Variants in TMED1 observed in about 807,000 individuals in gnomAD.
TMED1 encodes the protein transmembrane p24 trafficking protein 1.
TMED1 carries 20 observed loss-of-function variants against 21.2 expected under a neutral mutation model. The ratio of observed to expected loss-of-function variants is 0.95; its 90% CI spans 0.67 to 1.37. The LOEUF is 1.37. Among genes scored for constraint, TMED1 ranks in the 40% most tolerant of loss-of-function variants. The probability of loss-of-function intolerance (pLI) is 0.00; values close to 1 mark genes in which losing one functional copy is unlikely to be tolerated. For missense variants in TMED1, 316 were observed against 309.8 expected (o/e 1.02, Z -0.15); for synonymous variants, 149 against 134.7 (o/e 1.11, Z -0.74).
intron 1 of TMED1, chr19:10,835,669 C>T: frequency 7.1e-7 from 1 of 1,400,662 alleles, no homozygotes; most frequent in African/African-American, 1.4e-5. Flanking sequence ...CTTAGTCTAA[C>T]CCCCGAGAAA....
rs187573332 is a variant in TMED1, at chr19:10,832,274, C to G, written c.*721G>C. Reference sequence around the variant, plus strand: ...GTGGCCCAACTGGGGCTCAGTTAAACTTTGCTTTCTGATTTTTCTCTTGTG... The same window carrying G: ...GTGGCCCAACTGGGGCTCAGTTAAAGTTTGCTTTCTGATTTTTCTCTTGTG... On this transcript the variant is annotated 3_prime_UTR_variant, in exon 4 of 4. Transcript: ENST00000214869. The G allele has an allele frequency of 2.3e-6, 3 of 1,289,660 alleles. No individual in the cohort carries two copies. The highest frequency in any genetic ancestry group is 3.0e-6 in the Non-Finnish European group (3 of 988,780). The allele number at this position is 1,289,660 out of a possible 1,614,324, so 79.9% of individuals were successfully genotyped here. A position where few individuals can be genotyped will look rare whatever the true frequency, so the allele number is the denominator to read the frequency against.
At position 10,834,965 on chromosome 19, in the gene TMED1, T is replaced by A; in HGVS notation, c.434A>T (p.Glu145Val). ...GTCCTCCATTTTAACATCCAGCATC[T>A]CCTCGGGCTCCACAGCCTCTGCCCA... ...EGWAEAVEPE[E>V]MLDVKMEDIK... Residue 145 changes from glutamate (E) to valine (V), a missense_variant, in exon 3 of 4, where the codon GAG becomes GTG. Physicochemically the swap from Glu to Val is moderately radical, Grantham distance 121. Transcript: ENST00000214869. 6.2e-7 allele frequency: 1 copy of A among 1,614,120 alleles called. No homozygotes were observed. The highest frequency in any genetic ancestry group is 8.5e-7 in the Non-Finnish European group (1 of 1,180,002).
intron 3 of TMED1, among the ~76,000 whole-genome samples, chr19:10,834,523 G>A (rs901783610): frequency 7.5e-5 from 11 of 147,006 alleles, no homozygotes; most frequent in African/African-American, 2.0e-4. Context: ...GCAATGGTGC[G>A]ATCTCGGCTC....
intron 1 of TMED1, chr19:10,835,774 A>G: frequency 7.1e-7 from 1 of 1,416,358 alleles, no homozygotes; most frequent in South Asian, 1.5e-5. Flanking sequence ...CCCTATACTT[A>G]TCGATGGCCC....
Position 10,835,060 on chromosome 19 carries a change from G to A in TMED1, c.339C>T (p.Thr113=), listed in dbSNP as rs1365950281. 6.2e-7 allele frequency: 1 copy of A among 1,614,240 alleles called. No homozygotes were observed. Among genetic ancestry groups the A allele is most frequent in the African/African-American group, 1.3e-5 (1 of 75,062 alleles). Residue 113 remains threonine (T), a synonymous_variant, in exon 3 of 4, where the codon ACC becomes ACT. Coordinates refer to ENST00000214869, the MANE Select transcript of TMED1 (RefSeq NM_006858.4). ...YKLCFDNSFS[T]ISEKLVFFEL... ...CAAAGAACACCAGCTTCTCGGAGAT[G>A]GTGCTGAAGGAGTTGTCAAAGCACA...
In TMED1 at chr19:10,835,095, C is replaced by T. The variant is rs755003968; in HGVS notation, c.304G>A (p.Asp102Asn). 6.2e-7 allele frequency: 1 copy of T among 1,613,890 alleles called. No individual in the cohort carries two copies. The highest frequency in any genetic ancestry group is 8.5e-7 in the Non-Finnish European group (1 of 1,179,928). The change falls in exon 3 of 4, where the codon GAC (aspartate) becomes AAC (asparagine). Residue 102 changes from aspartate to asparagine, a missense_variant. Transcript: ENST00000214869. ...VHTVEPTEAG[D>N]YKLCFDNSFS... Reference sequence around the variant, plus strand: ...GAGTTGTCAAAGCACAGCTTGTAGTCCCCGGCCTCCGTTGGCTCCACCCTG... The same window carrying T: ...GAGTTGTCAAAGCACAGCTTGTAGTTCCCGGCCTCCGTTGGCTCCACCCTG...
At position 10,833,049 on chromosome 19, in the gene TMED1, C is replaced by G; in HGVS notation, c.630G>C (p.Leu210=). The G allele has an allele frequency of 6.2e-7, 1 of 1,613,884 alleles. No individual in the cohort carries two copies. Among genetic ancestry groups the G allele is most frequent in the Non-Finnish European group, 8.5e-7 (1 of 1,180,062 alleles). Reference sequence around the variant, plus strand: ...AGAAGCGCTTGAGCGTGCAGACCTGCAGCACAGCCACCAGCAGCAGCACCG... The same window carrying G: ...AGAAGCGCTTGAGCGTGCAGACCTGGAGCACAGCCACCAGCAGCAGCACCG... ...NVAVLLLVAV[L]QVCTLKRFFQ... The change falls in exon 4 of 4, where the codon CTG becomes CTC. Residue 210 remains leucine, a synonymous_variant. Coordinates refer to ENST00000214869, the MANE Select transcript of TMED1 (RefSeq NM_006858.4).
At chr19:10,834,422 T>TTACACCAG (rs1259520533) in intron 3 of TMED1, among the ~76,000 whole-genome samples, 1 of 152,024 alleles carries the variant, frequency 6.6e-6, no homozygotes, top group African/African-American at 2.4e-5. Context: ...CCTTAAACCT[T>TTACACCAG]TACACCAGGG....
intron 3 of TMED1, 187 bp from the exon 4 acceptor site, chr19:10,833,400 A>C: frequency 1.7e-6 from 1 of 602,190 alleles, no homozygotes; most frequent in Non-Finnish European, 3.0e-6. Context: ...TGAGCAACTT[A>C]ATTAACCTAT....
intron 3 of TMED1, 151 bp from the exon 4 acceptor site, chr19:10,833,364 A>G (rs12611335): frequency 0.29 from 189,192 of 645,954 alleles, 28,465 homozygotes; most frequent in East Asian, 0.42. Flanking sequence ...TCAAATCCTC[A>G]CCCTGCCACT....
At chr19:10,834,820 A>T in intron 3 of TMED1, 114 bp downstream of exon 3, 1 of 1,235,298 alleles carries the variant, frequency 8.1e-7, no homozygotes, top group Non-Finnish European at 1.1e-6. Context: ...TACTCTTACT[A>T]TAATTCAGTT....
In TMED1 at chr19:10,833,318, G is replaced by T. The variant is rs982195410; in HGVS notation, c.466-105C>A. The T allele has an allele frequency of 9.8e-6, 9 of 916,726 alleles. No homozygotes were observed. In the Admixed American group the frequency reaches 1.3e-4, roughly 13 times the overall value. The allele number at this position is 916,726 out of a possible 1,614,324, so 56.8% of individuals were successfully genotyped here. On this transcript the variant is annotated intron_variant, in intron 3 of 3. Transcript: ENST00000214869. The stretch of plus-strand genomic sequence containing the variant: ...GAGGGAGGCTGTATTAACCCTGGGA[G>T]GTACAGCTGCAAACACAGACTTGTT...
rs752523674 is a variant in TMED1, at chr19:10,832,325, C to T, written c.*670G>A. 4.4e-5 allele frequency: 57 copies of T among 1,289,718 alleles called. No homozygotes were observed. In the Admixed American group the frequency reaches 6.2e-4, roughly 14 times the overall value. 79.9% of individuals were successfully genotyped at this position (1,289,718 alleles called of 1,614,324 possible). ...CCAGGCGACCACCTCCATCGGCTCC[C>T]GCACGACCTTTCTTCTGAGCTTCGT... On this transcript the variant is annotated 3_prime_UTR_variant, in exon 4 of 4. Transcript: ENST00000214869.
Position 10,833,157 on chromosome 19 carries a change from T to C in TMED1, c.522A>G (p.Leu174=), listed in dbSNP as rs765814638. The C allele has an allele frequency of 2.2e-5, 35 of 1,613,786 alleles. No homozygotes were observed. The Admixed American group carries it at 5.8e-4, about 27-fold the overall frequency. ...GGTCACGTGCCTCGAAGGCCCGCAGTAGCGTGAGCATCTGGATGCTGCGCT... is the reference window on the plus strand; with the variant it reads ...GGTCACGTGCCTCGAAGGCCCGCAGCAGCGTGAGCATCTGGATGCTGCGCT... ...RLERSIQMLT[L]LRAFEARDRN... The change falls in exon 4 of 4, where the codon CTA becomes CTG. Residue 174 remains leucine, a synonymous_variant. Coordinates refer to ENST00000214869, the MANE Select transcript of TMED1 (RefSeq NM_006858.4).
chr19:10,833,034 G>C lies in TMED1; in HGVS notation c.645C>G (p.Leu215=), dbSNP rs2073377698. 10 of 1,613,764 alleles carry C rather than the reference G, an allele frequency of 6.2e-6. No individual in the cohort carries two copies. The highest frequency in any genetic ancestry group is 8.5e-6 in the Non-Finnish European group (10 of 1,180,046). Reference sequence around the variant, plus strand: ...GGCGCTTGTCCTGGAAGAAGCGCTTGAGCGTGCAGACCTGCAGCACAGCCA... The same window carrying C: ...GGCGCTTGTCCTGGAAGAAGCGCTTCAGCGTGCAGACCTGCAGCACAGCCA... The part of the protein sequence containing the change: ...LLVAVLQVCT[L]KRFFQDKRPV... Residue 215 remains leucine (L), a synonymous_variant, in exon 4 of 4, where the codon CTC becomes CTG. Coordinates refer to ENST00000214869, the MANE Select transcript of TMED1 (RefSeq NM_006858.4).
chr19:10,833,414 A>G lies in TMED1; in HGVS notation c.466-201T>C. ...ATGAGCAACTTAATTAACCTATCTGAGCCTGTTTCCTCTTCTATAAGCTTC... is the reference window on the plus strand; with the variant it reads ...ATGAGCAACTTAATTAACCTATCTGGGCCTGTTTCCTCTTCTATAAGCTTC... On this transcript the variant is annotated intron_variant, in intron 3 of 3. Coordinates refer to ENST00000214869, the MANE Select transcript of TMED1 (RefSeq NM_006858.4). The G allele has an allele frequency of 5.0e-6, 3 of 595,984 alleles. No individual in the cohort carries two copies. In the South Asian group the frequency reaches 6.0e-5, roughly 12 times the overall value. 36.9% of individuals were successfully genotyped at this position (595,984 alleles called of 1,614,324 possible). A position where few individuals can be genotyped will look rare whatever the true frequency, so the allele number is the denominator to read the frequency against.
At chr19:10,833,415 G>C (rs1430215097) in intron 3 of TMED1, 4 of 595,136 alleles carry the variant, frequency 6.7e-6, no homozygotes, top group Non-Finnish European at 9.0e-6. Context: ...ACCTATCTGA[G>C]CCTGTTTCCT....
chr19:10,834,651 T>C (rs569166580), intron 3 of TMED1, among the ~76,000 whole-genome samples: 29 of 152,060 alleles, frequency 1.9e-4, no homozygotes, highest in Non-Finnish European at 3.5e-4. Context: ...GGCTAATTTT[T>C]GTATTTTTAG....
rs1407698384 is a variant in TMED1 at position 10,833,113 on chromosome 19, T to G, written c.566A>C (p.Asn189Thr). ...TGACCAGAAGTTGACCCGCTCCAAGTTGCCCTCTTGCAGGTTGCGGTCACG... is the reference window on the plus strand; with the variant it reads ...TGACCAGAAGTTGACCCGCTCCAAGGTGCCCTCTTGCAGGTTGCGGTCACG... ...EARDRNLQEG[N>T]LERVNFWSAV... The change falls in exon 4 of 4, where the codon AAC (asparagine) becomes ACC (threonine). Residue 189 changes from asparagine to threonine, a missense_variant. Transcript: ENST00000214869. 4.3e-6 allele frequency: 7 copies of G among 1,613,940 alleles called. No homozygotes were observed. Among genetic ancestry groups the G allele is most frequent in the East Asian group, 4.5e-5 (2 of 44,896 alleles).
Sources: allele counts gnomAD v4.1 joint callset (sites outside exome capture counted in the v4.1 genomes callset), GRCh38; gene constraint gnomAD v4.1.1; transcripts MANE v1.5; gene names NCBI Gene and HGNC (gene_info 2026-07-23, HGNC 2026-07-21).